Variants in NLGN4X observed in about 807,000 individuals in gnomAD.
The protein encoded by NLGN4X is neuroligin-4, X-linked.
Under a neutral mutation model 40.3 loss-of-function variants are expected in NLGN4X, and 3 were observed. That is an observed-to-expected ratio of 0.07 (90% CI 0.03 to 0.19). NLGN4X has a LOEUF of 0.19. Among genes scored for constraint, NLGN4X ranks in the 10% least tolerant of loss-of-function variants. The pLI is 1.00. For missense variants in NLGN4X, 382 were observed against 708.3 expected (o/e 0.54, Z 5.23); for synonymous variants, 270 against 306.8 (o/e 0.88, Z 1.25).
intron 1 of NLGN4X, among the ~76,000 whole-genome samples, chrX:6,216,155 C>A (rs1808422295): frequency 1.8e-5 from 2 of 111,781 alleles, no homozygotes; most frequent in African/African-American, 6.5e-5. Flanking sequence ...GCCATCGTAC[C>A]CAGACCAGAC....
At chrX:5,941,856 T>C (rs1207097017) in intron 3 of NLGN4X, among the ~76,000 whole-genome samples, 2 of 111,822 alleles carry the variant, frequency 1.8e-5, no homozygotes, top group Non-Finnish European at 3.8e-5. Context: ...GCCATACAAG[T>C]AGAGTGGGTT....
chrX:5,920,912 T>C (rs1181537609), intron 3 of NLGN4X, among the ~76,000 whole-genome samples: 2 of 110,550 alleles, frequency 1.8e-5, no homozygotes, highest in African/African-American at 6.6e-5. Flanking sequence ...AAGACCTTCA[T>C]GCATTATAAA....
intron 3 of NLGN4X, among the ~76,000 whole-genome samples, chrX:6,018,454 T>C (rs747522309): frequency 1.1e-4 from 12 of 112,217 alleles, no homozygotes; most frequent in African/African-American, 3.6e-4. Flanking sequence ...TGTTTCTCTG[T>C]GAGATCATGT....
At chrX:6,134,729 C>T (rs1024824839) in intron 2 of NLGN4X, among the ~76,000 whole-genome samples, 2 of 112,281 alleles carry the variant, frequency 1.8e-5, no homozygotes, top group Non-Finnish European at 3.8e-5. Context: ...GTGGTGCCTA[C>T]GTGGACTTAC....
chrX:5,957,788 ACT>A (rs1242085551), intron 3 of NLGN4X, among the ~76,000 whole-genome samples: 2 of 111,760 alleles, frequency 1.8e-5, no homozygotes, highest in African/African-American at 6.5e-5. Flanking sequence ...GCCCTGAATC[ACT>A]CTTTGTTGTC....
At chrX:6,110,007 G>A (rs1414032983) in intron 2 of NLGN4X, among the ~76,000 whole-genome samples, 1 of 110,659 alleles carries the variant, frequency 9.0e-6, no homozygotes, top group African/African-American at 3.3e-5. Flanking sequence ...GCAGAAAAAC[G>A]CTTTCCTGAC....
In NLGN4X at chrX:5,892,997, C is replaced by T. The variant is rs4999056; in HGVS notation, c.2271G>A (p.Pro757=). The change falls in exon 6 of 6, where the codon CCG becomes CCA. Residue 757 remains proline (P), a synonymous_variant. Transcript: ENST00000381095. ...GGCGCAGCGTGAGGGTGTAGTCTGG[C>T]GGGCAGGTGAGCCTCAGTGTGTCGT... is the stretch of plus-strand genomic sequence containing the variant. ...QAHDTLRLTC[P]PDYTLTLRRS... 1.1e-3 allele frequency: 1,312 copies of T among 1,209,095 alleles called. 13 individuals are homozygous for T. The African/African-American group carries it at 0.02, about 19-fold the overall frequency.
intron 2 of NLGN4X, among the ~76,000 whole-genome samples, chrX:6,121,231 G>A (rs12835124): frequency 0.18 from 19,397 of 109,365 alleles, 1,344 homozygotes; most frequent in Non-Finnish European, 0.2. Flanking sequence ...CAAAACCTAC[G>A]TTTGAAAACA....
chrX:5,982,853 G>A (rs1038373019), intron 3 of NLGN4X, among the ~76,000 whole-genome samples: 1 of 111,928 alleles, frequency 8.9e-6, no homozygotes, highest in African/African-American at 3.2e-5. Flanking sequence ...GTAAGACCCT[G>A]TCTCAAAACA....
intron 3 of NLGN4X, among the ~76,000 whole-genome samples, chrX:5,977,049 A>G (rs1485552777): frequency 8.9e-6 from 1 of 112,545 alleles, no homozygotes; most frequent in East Asian, 2.8e-4. Context: ...CACATACTGG[A>G]GCATTAAATT....
Position 6,226,426 on chromosome X carries a change from G to C in NLGN4X, c.-306+2115C>G, listed in dbSNP as rs575872137. On this transcript the variant is annotated intron_variant, in intron 1 of 5. Transcript: ENST00000381095. The stretch of plus-strand genomic sequence containing the variant: ...AGAACATCCGTTCCCAGGGTGGCCC[G>C]GGCCAGGCCTCGGGGGTGCAAGGGT... Among the ~76,000 whole-genome samples the C allele has an allele frequency of 3.6e-5, 4 of 110,930 alleles. No individual in the cohort carries two copies. The South Asian group carries it at 1.5e-3, about 43-fold the overall frequency.
At chrX:6,050,284 T>C (rs745981040) in intron 2 of NLGN4X, among the ~76,000 whole-genome samples, 3 of 111,745 alleles carry the variant, frequency 2.7e-5, no homozygotes, top group African/African-American at 6.5e-5. Context: ...GCTATAGAGA[T>C]GGATTGATAC....
At chrX:6,001,450 GAC>G (rs1028214810) in intron 3 of NLGN4X, among the ~76,000 whole-genome samples, 1 of 112,318 alleles carries the variant, frequency 8.9e-6, no homozygotes, top group Non-Finnish European at 1.9e-5. Flanking sequence ...CTTAGAAAGA[GAC>G]ACATTCTTTA....
chrX:5,918,265 T>C (rs112915791), intron 3 of NLGN4X, among the ~76,000 whole-genome samples: 23 of 111,928 alleles, frequency 2.1e-4, no homozygotes, highest in African/African-American at 6.5e-4. Flanking sequence ...AAAACACATA[T>C]TAAGATACAT....
In NLGN4X at chrX:5,954,133, A is replaced by G. The variant is rs142831145; in HGVS notation, c.626-44894T>C. Among the ~76,000 whole-genome samples, 244 of 111,614 alleles carry G rather than the reference A, an allele frequency of 2.2e-3. 1 individual carries two copies. Among genetic ancestry groups the G allele is most frequent in the African/African-American group, 5.8e-3 (179 of 30,750 alleles). On this transcript the variant is annotated intron_variant, in intron 3 of 5. Coordinates refer to ENST00000381095, the MANE Select transcript of NLGN4X (RefSeq NM_181332.3). ...TCTGAGCTCTATTTTCCCCTCAATT[A>G]TCTGAGAAATTTAGGAGAAAAACAA...
intron 3 of NLGN4X, among the ~76,000 whole-genome samples, chrX:5,912,062 G>C (rs1329441372): frequency 1.8e-5 from 2 of 111,994 alleles, no homozygotes; most frequent in Non-Finnish European, 3.8e-5. Context: ...ATCACTAGAA[G>C]CTAAAATTTG....
chrX:6,221,325 T>C (rs959632763), intron 1 of NLGN4X, among the ~76,000 whole-genome samples: 6 of 99,795 alleles, frequency 6.0e-5, no homozygotes, highest in Non-Finnish European at 1.2e-4. Flanking sequence ...TTGTTTAATA[T>C]AGATTTGGTG....
chrX:6,088,454 T>C (rs928588275), intron 2 of NLGN4X, among the ~76,000 whole-genome samples: 1 of 112,000 alleles, frequency 8.9e-6, no homozygotes, highest in African/African-American at 3.2e-5. Flanking sequence ...ATTTATTCAG[T>C]AACAGCAGTT....
chrX:5,971,037 C>G (rs1329810219), intron 3 of NLGN4X, among the ~76,000 whole-genome samples: 3 of 110,960 alleles, frequency 2.7e-5, no homozygotes, highest in African/African-American at 9.8e-5. Flanking sequence ...GGAACCTCAC[C>G]CAATAGCCAT....
Sources: gnomAD v4.1 joint callset for allele counts (sites outside exome capture counted in the v4.1 genomes callset) on GRCh38, gnomAD v4.1.1 for gene constraint, MANE v1.5 for transcripts, NCBI Gene and HGNC (gene_info 2026-07-23, HGNC 2026-07-21) for gene names.